Variants in RIMKLB observed in about 807,000 individuals in gnomAD.
RIMKLB encodes the protein ribosomal modification protein rimK like family member B.
Under a neutral mutation model 32.0 loss-of-function variants are expected in RIMKLB, and 7 were observed. The ratio of observed to expected loss-of-function variants is 0.22; its 90% CI spans 0.12 to 0.41. RIMKLB has a LOEUF of 0.41. Among genes scored for constraint, RIMKLB ranks in the 10% least tolerant of loss-of-function variants. The probability of loss-of-function intolerance (pLI) is 1.00; values close to 1 mark genes in which losing one functional copy is unlikely to be tolerated. For synonymous variants in RIMKLB, 172 were observed against 185.1 expected (o/e 0.93, Z 0.57); for missense variants, 289 against 498.7 (o/e 0.58, Z 4.00).
intron 2 of RIMKLB, among the ~76,000 whole-genome samples, chr12:8,748,559 CATAT>C (rs72006146): frequency 8.0e-6 from 1 of 125,642 alleles, no homozygotes; most frequent in Non-Finnish European, 1.6e-5. Context: ...TGTGTGTGTG[CATAT>C]ATATATATAC....
At chr12:8,682,077 A>G (rs58732156) in intron 1 of RIMKLB, among the ~76,000 whole-genome samples, 2,686 of 152,158 alleles carry the variant, frequency 0.018, 55 homozygotes, top group African/African-American at 0.051. Flanking sequence ...CAGTGTGGGG[A>G]AAAAAACTCG....
intron 1 of RIMKLB, among the ~76,000 whole-genome samples, chr12:8,692,000 A>G (rs1942746539): frequency 7.0e-6 from 1 of 143,008 alleles, no homozygotes; most frequent in African/African-American, 2.5e-5. Flanking sequence ...GCACCAAGAG[A>G]GGGTTTTTTT....
At position 8,750,076 on chromosome 12, in the gene RIMKLB, G is replaced by T. The variant is rs113773586; in HGVS notation, c.390G>T (p.Pro130=). The T allele has an allele frequency of 3.1e-6, 5 of 1,602,672 alleles. No homozygotes were observed. In the African/African-American group the frequency reaches 5.4e-5, roughly 17 times the overall value. The part of the protein sequence containing the change: ...QELAGHGVPL[P]DTFSYGGHEN... Reference sequence around the variant, plus strand: ...TGGCTGGCCATGGTGTTCCTCTGCCGGATACTTTCTCTTATGGTGAGCCTA... The same window carrying T: ...TGGCTGGCCATGGTGTTCCTCTGCCTGATACTTTCTCTTATGGTGAGCCTA... Residue 130 remains proline, a synonymous_variant, in exon 3 of 6, where the codon CCG becomes CCT. Transcript: ENST00000535829.
At chr12:8,717,756 C>T (rs780244544) in intron 2 of RIMKLB, among the ~76,000 whole-genome samples, 21 of 152,312 alleles carry the variant, frequency 1.4e-4, no homozygotes, top group African/African-American at 5.1e-4. Context: ...CATCTTCTAA[C>T]GTACTGTAGT....
chr12:8,711,425 A>T (rs1420928856), intron 1 of RIMKLB, among the ~76,000 whole-genome samples: 1 of 152,106 alleles, frequency 6.6e-6, no homozygotes, highest in Non-Finnish European at 1.5e-5. Flanking sequence ...CTGCAAACGG[A>T]TGAGTTTCAA....
chr12:8,762,894 C>T (rs1041276258), intron 5 of RIMKLB, among the ~76,000 whole-genome samples: 10 of 152,144 alleles, frequency 6.6e-5, no homozygotes, highest in South Asian at 4.1e-4. Flanking sequence ...TCCCCTTAAG[C>T]GGCGTAGGTG....
chr12:8,687,476 T>C lies in RIMKLB; in HGVS notation n.219+5658T>C, dbSNP rs138508913. Among the ~76,000 whole-genome samples the C allele has an allele frequency of 3.9e-5, 6 of 152,318 alleles. No homozygotes were observed. The East Asian group carries it at 1.2e-3, about 29-fold the overall frequency. On this transcript the variant is annotated intron_variant and non_coding_transcript_variant, in intron 1 of 1. Coordinates refer to the RIMKLB transcript ENST00000538758. ...AGCTCCAGAGAAATGTTACAACTTA[T>C]TTTTCATACTTTTTCCTCTTTTCTT...
rs765362151 is a variant in RIMKLB, at chr12:8,751,759, T to C, written c.407-198T>C. Among the ~76,000 whole-genome samples the C allele has an allele frequency of 3.9e-5, 6 of 152,182 alleles. No homozygotes were observed. In the East Asian group the frequency reaches 9.6e-4, roughly 24 times the overall value. On this transcript the variant is annotated intron_variant, in intron 3 of 5. Transcript: ENST00000535829. ...GTTAGATATCAGAATATGTATAGAT[T>C]AAGGGAGCTATTATTTGTTTTAAAC... is the stretch of plus-strand genomic sequence containing the variant.
At chr12:8,711,334 G>C (rs1416205942) in intron 1 of RIMKLB, among the ~76,000 whole-genome samples, 1 of 151,366 alleles carries the variant, frequency 6.6e-6, no homozygotes. Context: ...AGGAGTTTGA[G>C]GCTGCAATGG....
rs1565435335 is a variant in RIMKLB, at chr12:8,776,113, A to T, written c.*2329A>T. The T allele has an allele frequency of 1.0e-6, 1 of 985,098 alleles. No homozygotes were observed. Among genetic ancestry groups the T allele is most frequent in the Non-Finnish European group, 1.2e-6 (1 of 829,730 alleles). 61.0% of individuals were successfully genotyped at this position (985,098 alleles called of 1,614,324 possible). A position where few individuals can be genotyped will look rare whatever the true frequency, so the allele number is the denominator to read the frequency against. ...GAATAGTTACATATCACAAGTATGT[A>T]GTTCATGTTTGTGTTGGTGGGGTAA... On this transcript the variant is annotated 3_prime_UTR_variant, in exon 6 of 6. Transcript: ENST00000535829.
At chr12:8,750,776 T>A (rs1948557803) in intron 3 of RIMKLB, among the ~76,000 whole-genome samples, 2 of 152,184 alleles carry the variant, frequency 1.3e-5, no homozygotes, top group South Asian at 4.1e-4. Context: ...ACAAGTCCTA[T>A]CCAGGCATAG....
chr12:8,738,202 C>T lies in RIMKLB; in HGVS notation c.176-11660C>T, dbSNP rs1006926634. ...AACTACAGGCATGTACCACTGTGCC[C>T]AGCTAAGTTTTGTATTTTTTTGTAG... On this transcript the variant is annotated intron_variant, in intron 2 of 5. Transcript: ENST00000535829. Among the ~76,000 whole-genome samples, 3 of 152,094 alleles carry T rather than the reference C, an allele frequency of 2.0e-5. No individual in the cohort carries two copies. In the East Asian group the frequency reaches 5.8e-4, roughly 29 times the overall value.
chr12:8,679,858 T>C (rs1010917908), upstream of RIMKLB, among the ~76,000 whole-genome samples: 28 of 152,154 alleles, frequency 1.8e-4, no homozygotes, highest in Admixed American at 9.2e-4. Context: ...CCATCTTGAA[T>C]AGGAGCTGGG....
intron 2 of RIMKLB, among the ~76,000 whole-genome samples, chr12:8,739,521 G>A (rs1359758582): frequency 6.6e-6 from 1 of 152,090 alleles, no homozygotes; most frequent in South Asian, 2.1e-4. Flanking sequence ...TGTCACCCAC[G>A]CTGGTGCGCA....
chr12:8,769,459 G>T lies in RIMKLB; in HGVS notation c.698-3862G>T, dbSNP rs145323314. Among the ~76,000 whole-genome samples the T allele has an allele frequency of 3.3e-5, 5 of 151,748 alleles. No individual in the cohort carries two copies. In the East Asian group the frequency reaches 9.6e-4, roughly 29 times the overall value. ...CTAAGTTTTGTTTTTTATTCAAATCGGACTAGTTTCCATCTTTTAATGGAA... is the reference window on the plus strand; with the variant it reads ...CTAAGTTTTGTTTTTTATTCAAATCTGACTAGTTTCCATCTTTTAATGGAA... On this transcript the variant is annotated intron_variant, in intron 5 of 5. Coordinates refer to ENST00000535829, the MANE Select transcript of RIMKLB (RefSeq NM_001297776.2).
chr12:8,777,302 A>G, downstream of RIMKLB: 1 of 958,114 alleles, frequency 1.0e-6, no homozygotes. Flanking sequence ...TGGAGCTTGG[A>G]TTTTGGAATG....
At chr12:8,677,469 T>C (rs887206589), upstream of RIMKLB, among the ~76,000 whole-genome samples, 2 of 152,110 alleles carry the variant, frequency 1.3e-5, no homozygotes, top group African/African-American at 2.4e-5. Context: ...CCTCTATTCT[T>C]TCCACACGGC....
chr12:8,742,160 A>G (rs769762499), intron 2 of RIMKLB, among the ~76,000 whole-genome samples: 104 of 151,758 alleles, frequency 6.9e-4, no homozygotes, highest in Non-Finnish European at 1.4e-3. Flanking sequence ...AGCCTCCCAA[A>G]GTGTTGGGAT....
Position 8,713,912 on chromosome 12 carries a change from C to T in RIMKLB, c.46C>T (p.Arg16Cys). The change falls in exon 2 of 6, where the codon CGC (arginine) becomes TGC (cysteine). Residue 16 changes from arginine to cysteine, a missense_variant. Transcript: ENST00000535829. ...AAKLWFLTDR[R>C]IREDYPQKEI... ...CAAGTTGTGGTTTTTGACAGATCGT[C>T]GCATCAGGGAAGACTATCCTCAAAA... 1.2e-6 allele frequency: 2 copies of T among 1,613,986 alleles called. No individual in the cohort carries two copies. Among genetic ancestry groups the T allele is most frequent in the Non-Finnish European group, 8.5e-7 (1 of 1,180,022 alleles).
Sources: allele counts gnomAD v4.1 joint callset (sites outside exome capture counted in the v4.1 genomes callset), GRCh38; gene constraint gnomAD v4.1.1; transcripts MANE v1.5; gene names NCBI Gene and HGNC (gene_info 2026-07-23, HGNC 2026-07-21).